ELMO1: variants seen among roughly 807,000 people sequenced by gnomAD.
ELMO1 encodes engulfment and cell motility protein 1.
Under a neutral mutation model 98.9 loss-of-function variants are expected in ELMO1, and 26 were observed. The ratio of observed to expected loss-of-function variants is 0.26; its 90% confidence interval spans 0.19 to 0.36. The LOEUF is 0.36. ELMO1 is among the 10% of genes least tolerant of loss of function. ELMO1 has a pLI of 1.00. For synonymous variants in ELMO1, 346 were observed against 346.0 expected (o/e 1.00, Z 0.00); for missense variants, 627 against 935.2 (o/e 0.67, Z 4.30).
intron 16 of ELMO1, among the ~76,000 whole-genome samples, chr7:36,964,094 GGCTT>G (rs2129124038): frequency 6.6e-6 from 1 of 152,230 alleles, no homozygotes; most frequent in Non-Finnish European, 1.5e-5. Flanking sequence ...GTCTGATTAA[GGCTT>G]GCACTCCCTA....
chr7:37,297,016 T>C (rs1798060505), intron 4 of ELMO1, among the ~76,000 whole-genome samples: 1 of 152,180 alleles, frequency 6.6e-6, no homozygotes, highest in African/African-American at 2.4e-5. Flanking sequence ...GGTGGATTCA[T>C]GCCTGATTTA....
chr7:37,163,577 G>A (rs544230716), intron 13 of ELMO1, among the ~76,000 whole-genome samples: 6 of 151,348 alleles, frequency 4.0e-5, no homozygotes, highest in East Asian at 2.0e-4. Context: ...CCACCTATGA[G>A]TGAGAATATG....
At chr7:37,008,195 T>C (rs1354448121) in intron 16 of ELMO1, among the ~76,000 whole-genome samples, 2 of 152,230 alleles carry the variant, frequency 1.3e-5, no homozygotes, top group African/African-American at 4.8e-5. Flanking sequence ...GAACAAATAT[T>C]TTGATGGTTT....
chr7:37,437,061 C>T lies in ELMO1; in HGVS notation c.-74+11614G>A, dbSNP rs1805181623. On this transcript the variant is annotated intron_variant, in intron 1 of 21. Transcript: ENST00000310758. ...AGGTTCCAAACGATTGAAAAAGGGACATTTCCAAAGCATGAATGGACCCAT... is the reference window on the plus strand; with the variant it reads ...AGGTTCCAAACGATTGAAAAAGGGATATTTCCAAAGCATGAATGGACCCAT... 4.6e-5 allele frequency among the ~76,000 whole-genome samples: 7 copies of T among 152,266 alleles called. No individual in the cohort carries two copies. In the South Asian group the frequency reaches 1.4e-3, roughly 32 times the overall value.
intron 5 of ELMO1, chr7:37,270,945 CTTT>C (rs796192856): frequency 2.1e-5 from 3 of 143,158 alleles, no homozygotes; most frequent in South Asian, 4.4e-4. Context: ...TCTTTTTTTT[CTTT>C]TTTTTTTTGA....
At chr7:37,239,493 G>A (rs867292801) in intron 7 of ELMO1, among the ~76,000 whole-genome samples, 26 of 152,080 alleles carry the variant, frequency 1.7e-4, no homozygotes, top group African/African-American at 5.8e-4. Flanking sequence ...AACTATGGGC[G>A]TCCAAATTTT....
At chr7:37,157,369 T>C (rs959760331) in intron 13 of ELMO1, among the ~76,000 whole-genome samples, 3 of 152,170 alleles carry the variant, frequency 2.0e-5, no homozygotes, top group Non-Finnish European at 4.4e-5. Context: ...AAAGAGGAAG[T>C]CAAATTGTCT....
At chr7:37,159,253 T>C (rs1463423920) in intron 13 of ELMO1, among the ~76,000 whole-genome samples, 8 of 152,240 alleles carry the variant, frequency 5.3e-5, no homozygotes, top group Admixed American at 3.9e-4. Flanking sequence ...TATACCTATG[T>C]AGCAAACCTG....
At chr7:37,170,262 T>C (rs772976285) in intron 13 of ELMO1, among the ~76,000 whole-genome samples, 1 of 152,234 alleles carries the variant, frequency 6.6e-6, no homozygotes, top group Non-Finnish European at 1.5e-5. Flanking sequence ...AATTTCACAA[T>C]GAATGGCATC....
At chr7:37,213,503 A>G in intron 11 of ELMO1, 46 bp from the exon 12 acceptor site, 2 of 1,552,012 alleles carry the variant, frequency 1.3e-6, no homozygotes, top group Non-Finnish European at 8.7e-7. Context: ...AAGAAAGAAA[A>G]GGAAACAACT....
intron 1 of ELMO1, among the ~76,000 whole-genome samples, chr7:37,372,926 TTAA>T (rs1802173632): frequency 6.6e-6 from 1 of 152,232 alleles, no homozygotes; most frequent in Non-Finnish European, 1.5e-5. Flanking sequence ...AGACAGGCTC[TTAA>T]TGATGGTAAA....
chr7:37,098,425 G>C (rs1562999363), intron 14 of ELMO1, among the ~76,000 whole-genome samples: 1 of 152,214 alleles, frequency 6.6e-6, no homozygotes. Context: ...GAGTAACAGG[G>C]AATGCTTGGG....
chr7:37,336,710 G>A (rs566021162), intron 2 of ELMO1, among the ~76,000 whole-genome samples: 7 of 152,160 alleles, frequency 4.6e-5, no homozygotes, highest in African/African-American at 7.2e-5. Flanking sequence ...GAGCGTAACC[G>A]AGAGGGTGAG....
chr7:37,430,316 T>C (rs1208517624), intron 1 of ELMO1, among the ~76,000 whole-genome samples: 2 of 152,184 alleles, frequency 1.3e-5, no homozygotes, highest in Admixed American at 1.3e-4. Context: ...TGCGACCTCA[T>C]CTTCCCCTGC....
chr7:36,899,936 C>T (rs1806366523), intron 16 of ELMO1, among the ~76,000 whole-genome samples: 1 of 152,044 alleles, frequency 6.6e-6, no homozygotes, highest in Non-Finnish European at 1.5e-5. Flanking sequence ...ATATTAGACA[C>T]TCAACAAATG....
At chr7:37,414,689 A>G (rs904581574) in intron 1 of ELMO1, among the ~76,000 whole-genome samples, 1 of 152,174 alleles carries the variant, frequency 6.6e-6, no homozygotes, top group Non-Finnish European at 1.5e-5. Context: ...CCATACCTCT[A>G]ATCTTTTCAA....
At chr7:37,350,481 T>C (rs552035179) in intron 1 of ELMO1, among the ~76,000 whole-genome samples, 2 of 152,188 alleles carry the variant, frequency 1.3e-5, no homozygotes, top group Non-Finnish European at 2.9e-5. Context: ...AGAGCAGGCA[T>C]GGGGCTGGGC....
intron 2 of ELMO1, among the ~76,000 whole-genome samples, chr7:37,339,214 A>G (rs2700992): frequency 0.46 from 70,433 of 152,050 alleles, 17,115 homozygotes; most frequent in Non-Finnish European, 0.56. Context: ...GCAGATGAAA[A>G]GCCCTGCCCC....
At chr7:36,883,902 C>G (rs1327035535) in intron 18 of ELMO1, among the ~76,000 whole-genome samples, 1 of 152,208 alleles carries the variant, frequency 6.6e-6, no homozygotes, top group Non-Finnish European at 1.5e-5. Flanking sequence ...AGAAGCCAGG[C>G]AATTTCCATG....
Sources: allele counts gnomAD v4.1 joint callset (sites outside exome capture counted in the v4.1 genomes callset), GRCh38; gene constraint gnomAD v4.1.1; transcripts MANE v1.5; gene names NCBI Gene and HGNC (gene_info 2026-07-23, HGNC 2026-07-21).